IQGAP2: variants seen among roughly 807,000 people sequenced by gnomAD.
IQGAP2 encodes IQ motif containing GTPase activating protein 2, also known as ras GTPase-activating-like protein IQGAP2.
A neutral mutation model predicts 201.3 loss-of-function variants in IQGAP2; 173 were observed. That is an observed-to-expected ratio of 0.86 (90% confidence interval 0.76 to 0.98). The LOEUF is 0.98. Ranked by LOEUF, IQGAP2 falls within the 50% of genes least tolerant of loss-of-function variation. The pLI is 0.00. For missense variants in IQGAP2, 1,687 were observed against 1,864.8 expected (o/e 0.90, Z 1.76); for synonymous variants, 675 against 673.9 (o/e 1.00, Z -0.03).
chr5:76,609,841 ATGTGTGTGTG>A (rs34776267), intron 12 of IQGAP2, among the ~76,000 whole-genome samples: 1 of 145,326 alleles, frequency 6.9e-6, no homozygotes, highest in Non-Finnish European at 1.5e-5. Context: ...TTATATATAT[ATGTGTGTGTG>A]TGTGTGTGTG....
intron 9 of IQGAP2, among the ~76,000 whole-genome samples, chr5:76,595,800 A>AGAGAGAG (rs1561493408): frequency 1.4e-5 from 2 of 142,546 alleles, no homozygotes; most frequent in African/African-American, 2.7e-5. Context: ...GAGAGAGAGA[A>AGAGAGAG]AACAGTGTTT....
intron 2 of IQGAP2, among the ~76,000 whole-genome samples, chr5:76,488,367 T>C (rs1293480713): frequency 1.3e-5 from 2 of 152,212 alleles, no homozygotes; most frequent in African/African-American, 4.8e-5. Flanking sequence ...GATTAAATAT[T>C]CTTTTTTTAA....
At chr5:76,448,875 C>CT (rs1203566172) in intron 1 of IQGAP2, among the ~76,000 whole-genome samples, 1 of 152,174 alleles carries the variant, frequency 6.6e-6, no homozygotes, top group Non-Finnish European at 1.5e-5. Context: ...ACATGATTCT[C>CT]TTGCAGGTAT....
At chr5:76,420,849 G>C (rs1489193612) in intron 1 of IQGAP2, among the ~76,000 whole-genome samples, 1 of 152,108 alleles carries the variant, frequency 6.6e-6, no homozygotes, top group African/African-American at 2.4e-5. Context: ...TTTATGTCTG[G>C]CTTGTTTCAC....
chr5:76,439,434 T>C (rs1205093084), intron 1 of IQGAP2, among the ~76,000 whole-genome samples: 3 of 152,214 alleles, frequency 2.0e-5, no homozygotes, highest in African/African-American at 7.2e-5. Flanking sequence ...GTGCTATCAG[T>C]GGAGTACTGA....
intron 13 of IQGAP2, among the ~76,000 whole-genome samples, chr5:76,622,718 TAGCATTGCCAGCTATTGAA>T (rs1395413743): frequency 6.6e-6 from 1 of 152,230 alleles, no homozygotes; most frequent in African/African-American, 2.4e-5. Flanking sequence ...ACTGACTTAT[TAGCATTGCCAGCTATTGAA>T]AGCAGATGAC....
At chr5:76,670,857 G>A (rs370632103) in intron 23 of IQGAP2, among the ~76,000 whole-genome samples, 28 of 152,348 alleles carry the variant, frequency 1.8e-4, no homozygotes, top group South Asian at 2.1e-4. Context: ...TACTTGTACC[G>A]TGTCACCCAG....
In IQGAP2 at chr5:76,678,425, T is replaced by TA. The variant is rs112438447; in HGVS notation, c.3660+1087dup. The stretch of plus-strand genomic sequence containing the variant: ...TAGATGACTTTTCAAACATTAAAAT[T>TA]AAAAAAAAAAAAGCTAAGCATTGAG... On this transcript the variant is annotated intron_variant, in intron 28 of 35. Transcript: ENST00000274364. Among the ~76,000 whole-genome samples, 548 of 143,744 alleles carry TA rather than the reference T, an allele frequency of 3.8e-3. 5 individuals are homozygous for TA. In the Middle Eastern group the frequency reaches 0.061, roughly 16 times the overall value. The allele number at this position is 143,744 out of a possible 152,430, so 94.3% of individuals were successfully genotyped here.
chr5:76,496,775 TTCTTTCTTTCTTTCTTTC>T (rs1561416729), intron 2 of IQGAP2, among the ~76,000 whole-genome samples: 42 of 119,534 alleles, frequency 3.5e-4, no homozygotes, highest in African/African-American at 1.5e-3. Flanking sequence ...CTTTCTTTCT[TTCTTTCTTTCTTTCTTTC>T]TCTTTCTTTC....
At chr5:76,666,304 T>G (rs1165613637) in intron 22 of IQGAP2, among the ~76,000 whole-genome samples, 2 of 152,242 alleles carry the variant, frequency 1.3e-5, no homozygotes, top group East Asian at 3.8e-4. Flanking sequence ...GGGCTCACTT[T>G]AAACAGGAAA....
intron 10 of IQGAP2, among the ~76,000 whole-genome samples, chr5:76,599,945 C>T (rs1747314801): frequency 6.6e-6 from 1 of 152,084 alleles, no homozygotes; most frequent in South Asian, 2.1e-4. Flanking sequence ...AAATCTAAGA[C>T]GTATTTTTTT....
intron 2 of IQGAP2, among the ~76,000 whole-genome samples, chr5:76,496,980 C>T (rs546932264): frequency 6.6e-6 from 1 of 152,058 alleles, no homozygotes; most frequent in East Asian, 1.9e-4. Context: ...CAGGCACATG[C>T]CACCACACCC....
rs143312633 is a variant in IQGAP2 at position 76,631,145 on chromosome 5, A to G, written c.1613-714A>G. ...TGGTTCTACTTTTCTAACTCAGTGC[A>G]TTTACTGGTTGTGAAAACTCTAGTC... is the stretch of plus-strand genomic sequence containing the variant. On this transcript the variant is annotated intron_variant, in intron 14 of 35. Coordinates refer to ENST00000274364, the MANE Select transcript of IQGAP2 (RefSeq NM_006633.5). 5.9e-4 allele frequency among the ~76,000 whole-genome samples: 90 copies of G among 152,172 alleles called. 2 individuals are homozygous for G. The East Asian group carries it at 0.016, about 28-fold the overall frequency.
chr5:76,435,030 C>A (rs1752577051), intron 1 of IQGAP2, among the ~76,000 whole-genome samples: 1 of 150,064 alleles, frequency 6.7e-6, no homozygotes. Flanking sequence ...ATGTCATTTG[C>A]TCATTTTTTG....
chr5:76,551,872 AGAGGGG>A (rs1480220678), intron 2 of IQGAP2, among the ~76,000 whole-genome samples: 1 of 36,170 alleles, frequency 2.8e-5, no homozygotes, highest in South Asian at 9.3e-4. Context: ...AGGGAGACGG[AGAGGGG>A]GAGGGGGAGG....
chr5:76,670,169 G>T (rs1224035405), intron 23 of IQGAP2, among the ~76,000 whole-genome samples: 1 of 152,030 alleles, frequency 6.6e-6, no homozygotes, highest in Non-Finnish European at 1.5e-5. Flanking sequence ...TTTTGTTTGG[G>T]CATTGATTCA....
chr5:76,509,057 GTA>G lies in IQGAP2; in HGVS notation c.146+47390_146+47391del, dbSNP rs773807316. Among the ~76,000 whole-genome samples, 40 of 141,962 alleles carry G rather than the reference GTA, an allele frequency of 2.8e-4. No homozygotes were observed. The South Asian group carries it at 3.4e-3, about 12-fold the overall frequency. 93.1% of individuals were successfully genotyped at this position (141,962 alleles called of 152,430 possible). A position where few individuals can be genotyped will look rare whatever the true frequency, so the allele number is the denominator to read the frequency against. ...TGTGTGTGTGTGTGTGTGTGTGTGT[GTA>G]TGTATGTATGTGTGTGCATGCTTGC... On this transcript the variant is annotated intron_variant, in intron 2 of 35. Transcript: ENST00000274364.
chr5:76,673,664 T>C (rs1274490283), intron 25 of IQGAP2, 75 bp downstream of exon 25: 3 of 1,436,058 alleles, frequency 2.1e-6, no homozygotes, highest in African/African-American at 2.9e-5. Context: ...TAAGCCCCTG[T>C]AGTGAAGACA....
At chr5:76,500,452 CTA>C (rs1757211984) in intron 2 of IQGAP2, among the ~76,000 whole-genome samples, 1 of 152,214 alleles carries the variant, frequency 6.6e-6, no homozygotes. Flanking sequence ...CAGCCTTACT[CTA>C]TAGAAGTAGT....
Sources: allele counts gnomAD v4.1 joint callset (sites outside exome capture counted in the v4.1 genomes callset), GRCh38; gene constraint gnomAD v4.1.1; transcripts MANE v1.5; gene names NCBI Gene and HGNC (gene_info 2026-07-23, HGNC 2026-07-21).